The following IGHMBP2 variants were observed in gnomAD, a reference collection of about 807,000 sequenced individuals.
IGHMBP2 encodes the protein DNA-binding protein SMUBP-2.
A neutral mutation model predicts 96.0 loss-of-function variants in IGHMBP2; 81 were observed. The ratio of observed to expected loss-of-function variants is 0.84; its 90% confidence interval spans 0.71 to 1.01. IGHMBP2 has a LOEUF of 1.01. IGHMBP2 is among the 50% of genes least tolerant of loss of function. The pLI, the probability that IGHMBP2 is intolerant of heterozygous loss-of-function variation, is 0.00. For missense variants in IGHMBP2, 1,227 were observed against 1,306.3 expected (o/e 0.94, Z 0.94); for synonymous variants, 557 against 548.9 (o/e 1.01, Z -0.21).
At chr11:68,918,572 G>T (rs1027376057) in intron 7 of IGHMBP2, among the ~76,000 whole-genome samples, 1 of 152,100 alleles carries the variant, frequency 6.6e-6, no homozygotes, top group Non-Finnish European at 1.5e-5. Flanking sequence ...AATCCTGGAG[G>T]TGGAGGTTGC....
Position 68,908,515 on chromosome 11 carries a change from T to G in IGHMBP2, c.450-19T>G. 6.2e-7 allele frequency: 1 copy of G among 1,601,184 alleles called. No homozygotes were observed. Among genetic ancestry groups the G allele is most frequent in the Non-Finnish European group, 8.6e-7 (1 of 1,168,350 alleles). ...CACTGAATTGCAGGTGTTCTAATTT[T>G]AGTTTTCTCCCTTGGCAGAGCCCTG... On this transcript the variant is annotated intron_variant, in intron 3 of 14. Transcript: ENST00000255078.
At position 68,913,728 on chromosome 11, in the gene IGHMBP2, G is replaced by T. The variant is rs562977911; in HGVS notation, c.712-1095G>T. On this transcript the variant is annotated intron_variant, in intron 5 of 14. Coordinates refer to ENST00000255078, the MANE Select transcript of IGHMBP2 (RefSeq NM_002180.3). Reference sequence around the variant, plus strand: ...GAACCCAGGAGTTTGAGGTCAGTCTGGGCAACATAGCAAGACCCAGTCTCT... The same window carrying T: ...GAACCCAGGAGTTTGAGGTCAGTCTTGGCAACATAGCAAGACCCAGTCTCT... 3.7e-3 allele frequency among the ~76,000 whole-genome samples: 558 copies of T among 152,238 alleles called. 3 individuals carry two copies. The highest frequency in any genetic ancestry group is 6.9e-3 in the Non-Finnish European group (468 of 68,008).
rs768231851 is a variant in IGHMBP2 at position 68,917,775 on chromosome 11, A to G, written c.952A>G (p.Asn318Asp). 1.0e-4 allele frequency: 166 copies of G among 1,613,128 alleles called. 1 individual carries two copies. The South Asian group carries it at 1.7e-3, about 17-fold the overall frequency. The change falls in exon 7 of 15, where the codon AAT becomes GAT. Residue 318 changes from asparagine (N) to aspartate (D), a missense_variant. By Grantham distance (23) the Asn-to-Asp change is conservative. Transcript: ENST00000255078. ...GACCCAGGATAAGAGAGAGAAAAGTAATTTTCGAAATGAAATTAAGCTGTT... is the reference window on the plus strand; with the variant it reads ...GACCCAGGATAAGAGAGAGAAAAGTGATTTTCGAAATGAAATTAAGCTGTT... ...KKTQDKREKS[N>D]FRNEIKLLRK...
chr11:68,912,548 A>G (rs1384082209), intron 5 of IGHMBP2, among the ~76,000 whole-genome samples: 1 of 150,852 alleles, frequency 6.6e-6, no homozygotes, highest in Non-Finnish European at 1.5e-5. Context: ...TTTATTTTTA[A>G]TTATACTTTA....
chr11:68,917,582 G>A (rs988122819), intron 6 of IGHMBP2, among the ~76,000 whole-genome samples, 154 bp from the exon 7 acceptor site: 43 of 152,116 alleles, frequency 2.8e-4, no homozygotes, highest in African/African-American at 1.0e-3. Context: ...GCTTAGTTGC[G>A]TGTGTGTATC....
At chr11:68,918,176 A>G (rs1009575366) in intron 7 of IGHMBP2, among the ~76,000 whole-genome samples, 2 of 152,176 alleles carry the variant, frequency 1.3e-5, no homozygotes, top group Non-Finnish European at 2.9e-5. Context: ...AGAGGCATGA[A>G]GTGGTTCCTA....
chr11:68,931,990 G>A (rs1859326611), intron 8 of IGHMBP2, among the ~76,000 whole-genome samples: 1 of 151,050 alleles, frequency 6.6e-6, no homozygotes, highest in Non-Finnish European at 1.5e-5. Context: ...GAAGACGTTG[G>A]GTGGTGTTCC....
At position 68,904,045 on chromosome 11, in the gene IGHMBP2, G is replaced by A; in HGVS notation, c.86+7G>A. ...CGGAGGTGGAGGAGCGCAGGTACGG[G>A]AGGCCGCCGGCGCCGCTCCCTCGCG... On this transcript the variant is annotated splice_region_variant and intron_variant, in intron 1 of 14. Transcript: ENST00000255078. 6.5e-7 allele frequency: 1 copy of A among 1,547,788 alleles called. No individual in the cohort carries two copies. The highest frequency in any genetic ancestry group is 8.7e-7 in the Non-Finnish European group (1 of 1,145,056).
Position 68,917,738 on chromosome 11 carries a change from G to C in IGHMBP2, c.915G>C (p.Val305=). The change falls in exon 7 of 15, where the codon GTG becomes GTC. Residue 305 remains valine, a splice_region_variant and synonymous_variant. Coordinates refer to ENST00000255078, the MANE Select transcript of IGHMBP2 (RefSeq NM_002180.3). The stretch of plus-strand genomic sequence containing the variant: ...ATCTCCTTTGTTTTTCTTTATAGGT[G>C]AAAAACAAAAAGACCCAGGATAAGA... ...DIRKDIDQVF[V]KNKKTQDKRE... The C allele has an allele frequency of 6.2e-7, 1 of 1,611,422 alleles. No homozygotes were observed. The highest frequency in any genetic ancestry group is 1.3e-5 in the African/African-American group (1 of 74,938).
intron 6 of IGHMBP2, 143 bp downstream of exon 6, chr11:68,915,166 C>CCTTTTTTTTTTTTTTTTTTTTTT (rs1191505010): frequency 5.7e-6 from 1 of 176,578 alleles, no homozygotes; most frequent in African/African-American, 5.6e-5. Flanking sequence ...TTGGGCTGCC[C>CCTTTTTTTTTTTTTTTTTTTTTT]TTTTTTTTTT....
chr11:68,913,071 A>G lies in IGHMBP2; in HGVS notation c.711+1468A>G, dbSNP rs369285089. Among the ~76,000 whole-genome samples, 1,207 of 142,204 alleles carry G rather than the reference A, an allele frequency of 8.5e-3. 16 individuals carry two copies. The highest frequency in any genetic ancestry group is 0.029 in the African/African-American group (1,140 of 39,546). 93.3% of individuals were successfully genotyped at this position (142,204 alleles called of 152,430 possible). A position where few individuals can be genotyped will look rare whatever the true frequency, so the allele number is the denominator to read the frequency against. ...AAAAAAAAAAAAAAAAAAAAAAACC[A>G]AAAAAACCACGAGGAAACTGAGAAA... On this transcript the variant is annotated intron_variant, in intron 5 of 14. Transcript: ENST00000255078.
At chr11:68,923,088 TCCTA>T (rs1858937756) in intron 7 of IGHMBP2, among the ~76,000 whole-genome samples, 1 of 152,262 alleles carries the variant, frequency 6.6e-6, no homozygotes, top group African/African-American at 2.4e-5. Flanking sequence ...GGTTGTGTTT[TCCTA>T]CCTTTTTGTA....
At chr11:68,916,154 A>G (rs768309671) in intron 6 of IGHMBP2, among the ~76,000 whole-genome samples, 6 of 152,028 alleles carry the variant, frequency 3.9e-5, no homozygotes, top group Non-Finnish European at 8.8e-5. Flanking sequence ...AGCCTCGGTG[A>G]CAAAGCAAGA....
At chr11:68,906,318 T>A in intron 2 of IGHMBP2, 80 bp downstream of exon 2, 1 of 1,417,462 alleles carries the variant, frequency 7.1e-7, no homozygotes, top group Non-Finnish European at 1.0e-6. Flanking sequence ...AAGACTGGAT[T>A]AAAATGACCA....
intron 6 of IGHMBP2, among the ~76,000 whole-genome samples, chr11:68,916,395 C>G (rs1858672325): frequency 6.6e-6 from 1 of 152,130 alleles, no homozygotes; most frequent in African/African-American, 2.4e-5. Flanking sequence ...GCCTTTTCCC[C>G]CCAGCCCGAC....
chr11:68,933,604 T>G, intron 9 of IGHMBP2, 123 bp downstream of exon 9: 1 of 1,295,758 alleles, frequency 7.7e-7, no homozygotes, highest in Non-Finnish European at 1.1e-6. Context: ...TGAGGCTAGC[T>G]TTTTGGAAGA....
At position 68,911,555 on chromosome 11, in the gene IGHMBP2, C is replaced by T; in HGVS notation, c.663C>T (p.Thr221=). ...ATGGACCTCCTGGCACTGGGAAAAC[C>T]ACGACTGTGGTTGAGATCATTCTTC... The part of the protein sequence containing the change: ...IIHGPPGTGK[T]TTVVEIILQA... The change falls in exon 5 of 15, where the codon ACC becomes ACT. Residue 221 remains threonine, a synonymous_variant. Transcript: ENST00000255078. The T allele has an allele frequency of 1.2e-6, 2 of 1,614,190 alleles. No homozygotes were observed. Among genetic ancestry groups the T allele is most frequent in the Non-Finnish European group, 1.7e-6 (2 of 1,180,036 alleles).
intron 7 of IGHMBP2, among the ~76,000 whole-genome samples, chr11:68,919,116 A>G (rs1441290692): frequency 2.0e-5 from 3 of 152,118 alleles, no homozygotes; most frequent in Non-Finnish European, 4.4e-5. Context: ...GAAGTGTTAT[A>G]TAGTTTCTAG....
In IGHMBP2 at chr11:68,908,186, C is replaced by T; in HGVS notation, c.298C>T (p.Gln100Ter). The change falls in exon 3 of 15, where the codon CAG becomes TAG. Residue 100 changes from glutamine to a stop codon, truncating the protein, a stop_gained. Coordinates refer to ENST00000255078, the MANE Select transcript of IGHMBP2 (RefSeq NM_002180.3). LOFTEE classifies it high-confidence loss of function. Reference protein sequence around the residue: ...GLYDAANEGSQLATGILTRVT... With the variant: ...GLYDAANEGS Reference sequence around the variant, plus strand: ...GTACGATGCTGCTAATGAGGGCAGTCAGCTGGCCACTGGGATCTTGACCCG... The same window carrying T: ...GTACGATGCTGCTAATGAGGGCAGTTAGCTGGCCACTGGGATCTTGACCCG... 3 of 1,613,952 alleles carry T rather than the reference C, an allele frequency of 1.9e-6. No individual in the cohort carries two copies. Among genetic ancestry groups the T allele is most frequent in the Non-Finnish European group, 2.5e-6 (3 of 1,180,002 alleles).
Sources: allele counts gnomAD v4.1 joint callset (sites outside exome capture counted in the v4.1 genomes callset), GRCh38; gene constraint gnomAD v4.1.1; transcripts MANE v1.5; gene names NCBI Gene and HGNC (gene_info 2026-07-23, HGNC 2026-07-21).